Variants in SCHIP1 observed in about 807,000 individuals in gnomAD.
SCHIP1 encodes schwannomin-interacting protein 1.
Under a neutral mutation model 29.7 loss-of-function variants are expected in SCHIP1, and 8 were observed. That is an observed-to-expected ratio of 0.27 (90% CI 0.16 to 0.49). The LOEUF (loss-of-function observed/expected upper bound fraction) is 0.49, where lower values mean the gene tolerates loss of function less well. SCHIP1 is among the 20% of genes least tolerant of loss of function. The pLI is 0.99. For synonymous variants in SCHIP1, 76 were observed against 94.9 expected (o/e 0.80, Z 1.16); for missense variants, 193 against 294.6 (o/e 0.66, Z 2.52).
intron 1 of SCHIP1, among the ~76,000 whole-genome samples, chr3:159,844,489 G>A (rs543823366): frequency 1.3e-5 from 2 of 152,300 alleles, no homozygotes; most frequent in African/African-American, 4.8e-5. Flanking sequence ...AGAGGTTACT[G>A]AGGCATGTGT....
the SCHIP1 span, among the ~76,000 whole-genome samples, chr3:159,666,643 T>C: frequency 6.6e-6 from 1 of 152,310 alleles, no homozygotes; most frequent in Non-Finnish European, 1.5e-5. Context: ...TAAATTTAAT[T>C]AAGTCTTCTG....
chr3:159,493,959 C>T, the SCHIP1 span, among the ~76,000 whole-genome samples: 109 of 151,918 alleles, frequency 7.2e-4, no homozygotes, highest in African/African-American at 1.9e-3. Flanking sequence ...CACTCAAAAC[C>T]GCTCAACTAC....
the SCHIP1 span, among the ~76,000 whole-genome samples, chr3:159,418,351 A>G: frequency 1.3e-5 from 2 of 152,338 alleles, no homozygotes; most frequent in African/African-American, 4.8e-5. Flanking sequence ...ACACTGATCC[A>G]AAGGATACAT....
the SCHIP1 span, among the ~76,000 whole-genome samples, chr3:159,670,845 C>G: frequency 2.2e-4 from 34 of 152,058 alleles, no homozygotes; most frequent in African/African-American, 8.2e-4. Context: ...AGTGTTCTCC[C>G]TCTCTTGCTT....
the SCHIP1 span, among the ~76,000 whole-genome samples, chr3:159,633,761 C>T: frequency 1.3e-5 from 2 of 152,070 alleles, no homozygotes; most frequent in Non-Finnish European, 2.9e-5. Flanking sequence ...ATTGAGAATT[C>T]ATTTTTAGCA....
At chr3:159,696,121 T>G in the SCHIP1 span, among the ~76,000 whole-genome samples, 12 of 152,230 alleles carry the variant, frequency 7.9e-5, no homozygotes. Flanking sequence ...CTTCGTGTTC[T>G]GAATCCCCTT....
chr3:159,442,578 G>A, the SCHIP1 span, among the ~76,000 whole-genome samples: 1 of 152,194 alleles, frequency 6.6e-6, no homozygotes, highest in Non-Finnish European at 1.5e-5. Flanking sequence ...GCTAGGCAGG[G>A]AGAATGGGTG....
At chr3:159,801,614 C>T in the SCHIP1 span, among the ~76,000 whole-genome samples, 1,963 of 152,052 alleles carry the variant, frequency 0.013, 41 homozygotes, top group African/African-American at 0.045. Context: ...AAATTAAGTA[C>T]AAGTTTTGAA....
chr3:159,383,767 A>G, the SCHIP1 span, among the ~76,000 whole-genome samples: 1 of 149,132 alleles, frequency 6.7e-6, no homozygotes, highest in Admixed American at 6.8e-5. Flanking sequence ...ATTTGTTTGT[A>G]TCCTCTTTTA....
chr3:159,642,895 C>T, the SCHIP1 span, among the ~76,000 whole-genome samples: 18 of 151,790 alleles, frequency 1.2e-4, no homozygotes, highest in African/African-American at 4.4e-4. Flanking sequence ...GAGATGGCTG[C>T]GATTCTATAG....
the SCHIP1 span, among the ~76,000 whole-genome samples, chr3:159,709,789 T>C: frequency 6.6e-6 from 1 of 152,192 alleles, no homozygotes; most frequent in Non-Finnish European, 1.5e-5. Flanking sequence ...TTAGAAATAA[T>C]CAAAGGAATA....
At chr3:159,497,155 G>A in the SCHIP1 span, among the ~76,000 whole-genome samples, 4 of 151,922 alleles carry the variant, frequency 2.6e-5, no homozygotes, top group South Asian at 6.3e-4. Context: ...GCTAAATGAC[G>A]AGTTAATGGC....
the SCHIP1 span, among the ~76,000 whole-genome samples, chr3:159,591,727 A>G: frequency 1.3e-5 from 2 of 152,046 alleles, no homozygotes; most frequent in South Asian, 4.2e-4. Flanking sequence ...ATGAGAACAC[A>G]TGAACACAGG....
chr3:159,778,042 T>TG, the SCHIP1 span, among the ~76,000 whole-genome samples: 4 of 152,098 alleles, frequency 2.6e-5, no homozygotes, highest in African/African-American at 7.2e-5. Flanking sequence ...TGGAGTGCAG[T>TG]GGCGTGATCT....
the SCHIP1 span, among the ~76,000 whole-genome samples, chr3:159,718,742 C>A: frequency 6.6e-6 from 1 of 152,094 alleles, no homozygotes; most frequent in Non-Finnish European, 1.5e-5. Context: ...AGGACACAAA[C>A]AAATGGAAGA....
chr3:159,448,029 T>C, the SCHIP1 span, among the ~76,000 whole-genome samples: 6 of 152,140 alleles, frequency 3.9e-5, no homozygotes, highest in African/African-American at 1.4e-4. Context: ...GAGAAAACAA[T>C]GCCTGGCTCC....
chr3:159,838,858 G>T (rs191597549), upstream of SCHIP1, among the ~76,000 whole-genome samples: 1 of 144,200 alleles, frequency 6.9e-6, no homozygotes, highest in Non-Finnish European at 1.5e-5. Flanking sequence ...CTCGCCACTC[G>T]CCACTGCACT....
intron 3 of SCHIP1, chr3:159,887,358 T>C (rs994621617): frequency 1.2e-5 from 3 of 245,408 alleles, no homozygotes; most frequent in South Asian, 6.3e-5. Context: ...ATACATGAGA[T>C]CCTGTCCACG....
the SCHIP1 span, among the ~76,000 whole-genome samples, chr3:159,507,151 A>G: frequency 2.6e-5 from 4 of 152,076 alleles, no homozygotes; most frequent in African/African-American, 7.2e-5. Flanking sequence ...GTTGAGCAGT[A>G]GTTTGTAGTT....
Sources: gnomAD v4.1 joint callset for allele counts (sites outside exome capture counted in the v4.1 genomes callset) on GRCh38, gnomAD v4.1.1 for gene constraint, MANE v1.5 for transcripts, NCBI Gene and HGNC (gene_info 2026-07-23, HGNC 2026-07-21) for gene names.